The following BICD1 variants were observed in gnomAD, a reference collection of about 807,000 sequenced individuals.
The protein encoded by BICD1 is BICD cargo adaptor 1, also known as protein bicaudal D homolog 1.
BICD1 carries 35 observed loss-of-function variants against 92.5 expected under a neutral mutation model. That is an observed-to-expected ratio of 0.38 (90% CI 0.29 to 0.50). The LOEUF is 0.50. BICD1 is among the 20% of genes least tolerant of loss of function. BICD1 has a pLI of 0.93. For missense variants in BICD1, 950 were observed against 1,189.8 expected, an observed-to-expected ratio of 0.80 and a Z score of 2.97; for synonymous variants, 429 against 465.1, an observed-to-expected ratio of 0.92 and a Z score of 1.00.
At chr12:32,263,003 G>T (rs968851850) in intron 2 of BICD1, among the ~76,000 whole-genome samples, 2 of 152,048 alleles carry the variant, frequency 1.3e-5, no homozygotes, top group African/African-American at 4.8e-5. Context: ...AATTAGCCAG[G>T]TGTGGTGGTG....
chr12:32,246,800 A>G (rs1169548739), intron 2 of BICD1, among the ~76,000 whole-genome samples: 1 of 152,204 alleles, frequency 6.6e-6, no homozygotes, highest in Non-Finnish European at 1.5e-5. Flanking sequence ...AAAACAAGAC[A>G]AAACCCTTGC....
intron 1 of BICD1, among the ~76,000 whole-genome samples, chr12:32,113,985 C>T (rs981965097): frequency 6.6e-6 from 1 of 151,962 alleles, no homozygotes; most frequent in African/African-American, 2.4e-5. Context: ...GATTCTCCTG[C>T]GTCAGCCACC....
chr12:32,159,851 G>A lies in BICD1; in HGVS notation c.213+52307G>A, dbSNP rs1362890003. On this transcript the variant is annotated intron_variant, in intron 1 of 9. Transcript: ENST00000652176. The stretch of plus-strand genomic sequence containing the variant: ...GAAAGAAGACAATTAATTTCTACCT[G>A]TAGTTTGGGTTCTCCTTCAAGAGAA... Among the ~76,000 whole-genome samples, 3 of 134,794 alleles carry A rather than the reference G, an allele frequency of 2.2e-5. No individual in the cohort carries two copies. The South Asian group carries it at 7.2e-4, about 32-fold the overall frequency. 88.4% of individuals were successfully genotyped at this position (134,794 alleles called of 152,430 possible).
intron 1 of BICD1, among the ~76,000 whole-genome samples, chr12:32,111,921 A>G (rs1592312852): frequency 6.6e-6 from 1 of 152,100 alleles, no homozygotes; most frequent in Admixed American, 6.6e-5. Context: ...CTGTTTACAA[A>G]CAACCTCAAC....
At chr12:32,361,719 G>A (rs1218504864) in intron 8 of BICD1, among the ~76,000 whole-genome samples, 3 of 152,100 alleles carry the variant, frequency 2.0e-5, no homozygotes, top group African/African-American at 7.2e-5. Flanking sequence ...ATACGATCTT[G>A]TGAAAAAGTA....
Position 32,364,310 on chromosome 12 carries a change from C to T in BICD1, c.2765-3360C>T, listed in dbSNP as rs1388803015. 2.0e-5 allele frequency among the ~76,000 whole-genome samples: 3 copies of T among 152,272 alleles called. No individual in the cohort carries two copies. The East Asian group carries it at 5.8e-4, about 29-fold the overall frequency. ...AAAGCAACGAGATGTGGTCTAGTTCCTTCAAGGGTGAGCCTAGCAGAATAG... is the reference window on the plus strand; with the variant it reads ...AAAGCAACGAGATGTGGTCTAGTTCTTTCAAGGGTGAGCCTAGCAGAATAG... On this transcript the variant is annotated intron_variant, in intron 8 of 9. Transcript: ENST00000652176.
intron 3 of BICD1, among the ~76,000 whole-genome samples, chr12:32,295,655 T>C (rs1057063551): frequency 7.4e-6 from 1 of 135,172 alleles, no homozygotes; most frequent in African/African-American, 3.1e-5. Flanking sequence ...AAATTTGATT[T>C]CTTTTTTTTT....
At chr12:32,280,982 G>A (rs996310180) in intron 2 of BICD1, among the ~76,000 whole-genome samples, 3 of 152,162 alleles carry the variant, frequency 2.0e-5, no homozygotes, top group Non-Finnish European at 4.4e-5. Context: ...GAGTCTCAGT[G>A]CACACTAACA....
rs1163350046 is a variant in BICD1, at chr12:32,327,475, G to T, written c.1020G>T (p.Lys340Asn). 6.2e-7 allele frequency: 1 copy of T among 1,600,970 alleles called. No individual in the cohort carries two copies. Among genetic ancestry groups the T allele is most frequent in the Non-Finnish European group, 8.5e-7 (1 of 1,171,748 alleles). Residue 340 changes from lysine to asparagine, a missense_variant, in exon 5 of 10, where the codon AAG becomes AAT. Lys to Asn is a moderately conservative substitution (Grantham distance 94, BLOSUM62 0). Coordinates refer to ENST00000652176, the MANE Select transcript of BICD1 (RefSeq NM_001714.4). ...KQQLMQVERE[K>N]AILLANLQES... The stretch of plus-strand genomic sequence containing the variant: ...TGCCATTGCAGGTAGAGCGGGAAAA[G>T]GCCATTCTTTTGGCCAACCTACAGG...
At chr12:32,175,752 T>G (rs1489950844) in intron 1 of BICD1, among the ~76,000 whole-genome samples, 1 of 152,222 alleles carries the variant, frequency 6.6e-6, no homozygotes, top group Non-Finnish European at 1.5e-5. Flanking sequence ...TATTTCAAGA[T>G]GATTTTAGTA....
chr12:32,333,446 T>C (rs1937967177), intron 5 of BICD1, among the ~76,000 whole-genome samples: 1 of 152,222 alleles, frequency 6.6e-6, no homozygotes, highest in African/African-American at 2.4e-5. Context: ...AGAAAGAATT[T>C]ATTTCTATAG....
chr12:32,230,399 C>CAAATAAATAAAT (rs535189097), intron 2 of BICD1, among the ~76,000 whole-genome samples: 65 of 133,300 alleles, frequency 4.9e-4, no homozygotes, highest in Non-Finnish European at 7.5e-4. Flanking sequence ...GACCCTGTCT[C>CAAATAAATAAAT]AAATAAATAA....
Position 32,325,159 on chromosome 12 carries a change from TC to T in BICD1, c.1006-2301del, listed in dbSNP as rs529359804. 2.6e-3 allele frequency among the ~76,000 whole-genome samples: 353 copies of T among 138,184 alleles called. 6 individuals carry two copies. Among genetic ancestry groups the T allele is most frequent in the East Asian group, 0.017 (80 of 4,766 alleles). The allele number at this position is 138,184 out of a possible 152,430, so 90.7% of individuals were successfully genotyped here. A position where few individuals can be genotyped will look rare whatever the true frequency, so the allele number is the denominator to read the frequency against. On this transcript the variant is annotated intron_variant, in intron 4 of 9. Coordinates refer to ENST00000652176, the MANE Select transcript of BICD1 (RefSeq NM_001714.4). ...TGGCTCCATTTATGTTTTTTTTTTT[TC>T]AGATTTCATTTCCAACATTGTCACT...
intron 8 of BICD1, among the ~76,000 whole-genome samples, chr12:32,355,403 G>A (rs959440): frequency 0.058 from 8,840 of 152,254 alleles, 378 homozygotes; most frequent in Non-Finnish European, 0.089. Flanking sequence ...GTGGGGAATT[G>A]AAGAATTATA....
At chr12:32,129,731 C>T (rs1042320118) in intron 1 of BICD1, among the ~76,000 whole-genome samples, 3 of 151,958 alleles carry the variant, frequency 2.0e-5, no homozygotes, top group East Asian at 1.9e-4. Flanking sequence ...AACCCTGTAC[C>T]CTTTTCTTTC....
rs760224331 is a variant in BICD1 at position 32,327,803 on chromosome 12, G to T, written c.1348G>T (p.Asp450Tyr). The change falls in exon 5 of 10, where the codon GAT becomes TAT. Residue 450 changes from aspartate to tyrosine, a missense_variant. Coordinates refer to ENST00000652176, the MANE Select transcript of BICD1 (RefSeq NM_001714.4). Reference sequence around the variant, plus strand: ...TAATAAATCTGTAGAAAACTACACTGATGAGAAGGCCAAGTATGAGAGTAA... The same window carrying T: ...TAATAAATCTGTAGAAAACTACACTTATGAGAAGGCCAAGTATGAGAGTAA... ...KYNKSVENYT[D>Y]EKAKYESKIQ... is the part of the protein sequence containing the mutation. The T allele has an allele frequency of 2.5e-6, 4 of 1,614,142 alleles. No homozygotes were observed. Among genetic ancestry groups the T allele is most frequent in the Non-Finnish European group, 3.4e-6 (4 of 1,180,028 alleles).
At chr12:32,251,600 G>T (rs1946523926) in intron 2 of BICD1, among the ~76,000 whole-genome samples, 1 of 152,034 alleles carries the variant, frequency 6.6e-6, no homozygotes, top group Non-Finnish European at 1.5e-5. Context: ...ATATTTTCTA[G>T]AACTCTCCAT....
At chr12:32,107,951 T>G in intron 1 of BICD1, 1 of 499,440 alleles carries the variant, frequency 2.0e-6, no homozygotes, top group Non-Finnish European at 3.6e-6. Context: ...GGACCCACAA[T>G]TTCAGGATTT....
At chr12:32,175,870 A>T (rs1180165918) in intron 1 of BICD1, among the ~76,000 whole-genome samples, 1 of 152,176 alleles carries the variant, frequency 6.6e-6, no homozygotes, top group Non-Finnish European at 1.5e-5. Flanking sequence ...ATGTCCATTT[A>T]TAGTTAATCC....
Sources: gnomAD v4.1 joint callset for allele counts (sites outside exome capture counted in the v4.1 genomes callset) on GRCh38, gnomAD v4.1.1 for gene constraint, MANE v1.5 for transcripts, NCBI Gene and HGNC (gene_info 2026-07-23, HGNC 2026-07-21) for gene names.